Variants in SYN2 observed in about 807,000 individuals in gnomAD.
The protein encoded by SYN2 is synapsin-2.
A neutral mutation model predicts 50.9 loss-of-function variants in SYN2; 19 were observed. The ratio of observed to expected loss-of-function variants is 0.37; its 90% CI spans 0.26 to 0.55. SYN2 has a LOEUF of 0.55. Among genes scored for constraint, SYN2 ranks in the 20% least tolerant of loss-of-function variants. The pLI is 0.81. For missense variants in SYN2, 587 were observed against 576.4 expected (o/e 1.02, Z -0.19); for synonymous variants, 255 against 224.9 (o/e 1.13, Z -1.20).
chr3:12,177,412 T>C (rs966904937), intron 10 of SYN2, among the ~76,000 whole-genome samples: 1 of 152,144 alleles, frequency 6.6e-6, no homozygotes, highest in African/African-American at 2.4e-5. Context: ...AGCCAAAAGA[T>C]TAGCCACCCG....
chr3:12,098,854 AGCAT>A (rs1696003403), intron 1 of SYN2, among the ~76,000 whole-genome samples: 1 of 41,660 alleles, frequency 2.4e-5, no homozygotes, highest in African/African-American at 9.4e-5. Context: ...TAAAAGCAAA[AGCAT>A]ATATATATAT....
At chr3:12,039,916 A>G (rs1359704518) in intron 1 of SYN2, among the ~76,000 whole-genome samples, 2 of 152,226 alleles carry the variant, frequency 1.3e-5, no homozygotes, top group Non-Finnish European at 2.9e-5. Context: ...ATAGTCTAGT[A>G]TGAATGAAAT....
At chr3:12,024,196 G>A (rs1338393249) in intron 1 of SYN2, among the ~76,000 whole-genome samples, 39 of 110,620 alleles carry the variant, frequency 3.5e-4, no homozygotes, top group African/African-American at 1.2e-3. Context: ...TCACTCTGTC[G>A]CCCAGGCTGG....
intron 1 of SYN2, among the ~76,000 whole-genome samples, chr3:12,127,940 C>A (rs569565599): frequency 5.5e-4 from 84 of 151,938 alleles, no homozygotes; most frequent in South Asian, 1.7e-3. Context: ...TTCTATAATA[C>A]TAAGCTGTTT....
chr3:12,103,002 A>G (rs564388018), intron 1 of SYN2, among the ~76,000 whole-genome samples: 3 of 152,288 alleles, frequency 2.0e-5, no homozygotes, highest in African/African-American at 4.8e-5. Flanking sequence ...TAGAATTTAC[A>G]GTGTGCCAGA....
In SYN2 at chr3:12,162,019, T is replaced by C. The variant is rs1225722943; in HGVS notation, c.845T>C (p.Val282Ala). ...HAHSGMGKVK[V>A]ENHYDFQDIA... ...GCCCTGCTCTAACATTAGGTCAAAG[T>C]GGAAAACCACTACGACTTCCAGGAC... Residue 282 changes from valine (V) to alanine (A), a missense_variant, in exon 7 of 13, where the codon GTG becomes GCG. Val to Ala is a moderately conservative substitution (Grantham distance 64). Coordinates refer to ENST00000621198, the MANE Select transcript of SYN2 (RefSeq NM_133625.6). 6 of 1,613,880 alleles carry C rather than the reference T, an allele frequency of 3.7e-6. No homozygotes were observed. The South Asian group carries it at 5.5e-5, about 15-fold the overall frequency.
At chr3:12,160,042 C>CAAAAA (rs3079818) in intron 5 of SYN2, among the ~76,000 whole-genome samples, 51 of 67,576 alleles carry the variant, frequency 7.5e-4, no homozygotes, top group East Asian at 5.1e-3. Context: ...GACTCCGTCT[C>CAAAAA]AAAAAAAAAA....
At position 12,191,875 on chromosome 3, in the gene SYN2, C is replaced by A. The variant is rs895861921; in HGVS notation, c.*1250C>A. On this transcript the variant is annotated 3_prime_UTR_variant, in exon 13 of 13. Transcript: ENST00000621198. ...CTCCCACAGATCTCAACGAAGGCAT[C>A]CTAAAGAGGCCTGCAATTGAGGGTG... is the stretch of plus-strand genomic sequence containing the variant. Among the ~76,000 whole-genome samples, 2 of 152,112 alleles carry A rather than the reference C, an allele frequency of 1.3e-5. 1 individual carries two copies. Among genetic ancestry groups the A allele is most frequent in the East Asian group, 3.9e-4 (2 of 5,190 alleles).
At chr3:12,008,136 T>C (rs983104559) in intron 1 of SYN2, among the ~76,000 whole-genome samples, 1 of 152,210 alleles carries the variant, frequency 6.6e-6, no homozygotes, top group Non-Finnish European at 1.5e-5. Flanking sequence ...CTGTGTGTTA[T>C]ACTCTCACCA....
chr3:12,093,688 T>G (rs1261865259), intron 1 of SYN2, among the ~76,000 whole-genome samples: 1 of 152,204 alleles, frequency 6.6e-6, no homozygotes, highest in Non-Finnish European at 1.5e-5. Context: ...TTGAGCATGT[T>G]ATTTTCCTTT....
intron 1 of SYN2, among the ~76,000 whole-genome samples, chr3:12,106,602 T>C (rs144647639): frequency 1.3e-3 from 203 of 152,332 alleles, no homozygotes; most frequent in East Asian, 2.7e-3. Context: ...TTGGGAGTTA[T>C]GTATGAGGTT....
chr3:12,013,028 A>T (rs1037869030), intron 1 of SYN2, among the ~76,000 whole-genome samples: 1 of 152,230 alleles, frequency 6.6e-6, no homozygotes, highest in East Asian at 1.9e-4. Flanking sequence ...CTAATTGCTA[A>T]ATCCAGAGGA....
chr3:12,060,581 A>G (rs1412269015), intron 1 of SYN2, among the ~76,000 whole-genome samples: 1 of 152,208 alleles, frequency 6.6e-6, no homozygotes, highest in African/African-American at 2.4e-5. Flanking sequence ...CAACAGGGCT[A>G]CAGTGTAACT....
chr3:12,156,976 G>T, intron 5 of SYN2: 1 of 1,422,966 alleles, frequency 7.0e-7, no homozygotes, highest in Non-Finnish European at 9.9e-7. Context: ...GGGTCAGTGA[G>T]TGTACTGTAT....
At chr3:12,052,529 C>G (rs1332356334) in intron 1 of SYN2, among the ~76,000 whole-genome samples, 1 of 151,928 alleles carries the variant, frequency 6.6e-6, no homozygotes, top group Non-Finnish European at 1.5e-5. Flanking sequence ...TTGTGTGGAC[C>G]AGGGAAATAA....
chr3:12,153,064 T>A, intron 5 of SYN2: 1 of 233,154 alleles, frequency 4.3e-6, no homozygotes, highest in East Asian at 8.8e-5. Context: ...ACAGCCACAG[T>A]ATGTTCTTGT....
At chr3:12,122,043 A>G (rs1354775791) in intron 1 of SYN2, among the ~76,000 whole-genome samples, 2 of 152,224 alleles carry the variant, frequency 1.3e-5, no homozygotes, top group East Asian at 3.8e-4. Context: ...AACCTCCTTC[A>G]TTTAAAGTCA....
intron 5 of SYN2, among the ~76,000 whole-genome samples, chr3:12,156,523 C>T (rs1697462137): frequency 6.6e-6 from 1 of 152,212 alleles, no homozygotes; most frequent in South Asian, 2.1e-4. Context: ...AAATCTTATA[C>T]TAATTTAAAC....
rs182645827 is a variant in SYN2, at chr3:12,058,817, C to T, written c.377+53889C>T. Among the ~76,000 whole-genome samples the T allele has an allele frequency of 7.2e-5, 11 of 152,322 alleles. No individual in the cohort carries two copies. In the East Asian group the frequency reaches 2.1e-3, roughly 29 times the overall value. ...AAGCAGCAGTTACCTTTATCATTCC[C>T]TCTTTCCTCATCTCCTGAGAGTCCC... On this transcript the variant is annotated intron_variant, in intron 1 of 12. Transcript: ENST00000621198.
Sources: gnomAD v4.1 joint callset for allele counts (sites outside exome capture counted in the v4.1 genomes callset) on GRCh38, gnomAD v4.1.1 for gene constraint, MANE v1.5 for transcripts, NCBI Gene and HGNC (gene_info 2026-07-23, HGNC 2026-07-21) for gene names.